CSMD3: variants seen among roughly 807,000 people sequenced by gnomAD.
The protein encoded by CSMD3 is CUB and Sushi multiple domains 3, also known as CUB and sushi domain-containing protein 3.
A neutral mutation model predicts 435.2 loss-of-function variants in CSMD3; 177 were observed. The ratio of observed to expected loss-of-function variants is 0.41; its 90% CI spans 0.36 to 0.46. The LOEUF is 0.46. Ranked by LOEUF, CSMD3 falls within the 20% of genes least tolerant of loss-of-function variation. The pLI, the probability that CSMD3 is intolerant of heterozygous loss-of-function variation, is 0.34. For synonymous variants in CSMD3, 1,656 were observed against 1,520.5 expected (o/e 1.09, Z -2.07); for missense variants, 4,265 against 4,504.6 (o/e 0.95, Z 1.52).
At chr8:112,658,827 C>A (rs146422834) in intron 17 of CSMD3, among the ~76,000 whole-genome samples, 2 of 151,946 alleles carry the variant, frequency 1.3e-5, no homozygotes, top group Non-Finnish European at 2.9e-5. Flanking sequence ...GCGTGGTTGG[C>A]GTCTGTAATC....
chr8:112,999,075 A>AT (rs1406950909), intron 6 of CSMD3, among the ~76,000 whole-genome samples: 1 of 152,024 alleles, frequency 6.6e-6, no homozygotes, highest in African/African-American at 2.4e-5. Context: ...TTGACAAAAT[A>AT]TTTGAGAATT....
intron 12 of CSMD3, among the ~76,000 whole-genome samples, chr8:112,807,080 G>A (rs1257691419): frequency 1.3e-5 from 2 of 152,148 alleles, no homozygotes; most frequent in African/African-American, 2.4e-5. Flanking sequence ...CTTATGTGCT[G>A]TGCACAGAAC....
chr8:113,072,077 G>T (rs1188945279), intron 5 of CSMD3, among the ~76,000 whole-genome samples: 1 of 151,560 alleles, frequency 6.6e-6, no homozygotes, highest in Non-Finnish European at 1.5e-5. Context: ...TTGTAAAGGA[G>T]ATTTTTAAAA....
At chr8:112,787,560 G>C (rs1047059801) in intron 13 of CSMD3, among the ~76,000 whole-genome samples, 9 of 152,108 alleles carry the variant, frequency 5.9e-5, no homozygotes, top group Non-Finnish European at 1.2e-4. Flanking sequence ...CAGATGAAGG[G>C]ATAAAAAAAC....
chr8:112,368,489 A>G (rs1828006069), intron 38 of CSMD3, among the ~76,000 whole-genome samples: 1 of 152,210 alleles, frequency 6.6e-6, no homozygotes, highest in South Asian at 2.1e-4. Context: ...AATAGTGCTT[A>G]CACCATTTTG....
Position 112,638,919 on chromosome 8 carries a change from G to A in CSMD3, c.3311-8C>T. On this transcript the variant is annotated splice_polypyrimidine_tract_variant and splice_region_variant and intron_variant, in intron 20 of 70. Coordinates refer to ENST00000297405, the MANE Select transcript of CSMD3 (RefSeq NM_198123.2). ...GGAAGTTGAACTGCACACCTATTAAGAAAAATAGAAACACTGAATTTACAG... is the reference window on the plus strand; with the variant it reads ...GGAAGTTGAACTGCACACCTATTAAAAAAAATAGAAACACTGAATTTACAG... 6.4e-7 allele frequency: 1 copy of A among 1,573,380 alleles called. No homozygotes were observed. Among genetic ancestry groups the A allele is most frequent in the Admixed American group, 1.7e-5 (1 of 59,748 alleles).
rs754201135 is a variant in CSMD3 at position 112,313,949 on chromosome 8, T to C, written c.7653A>G (p.Ala2551=). The C allele has an allele frequency of 1.2e-6, 2 of 1,612,410 alleles. No homozygotes were observed. Among genetic ancestry groups the C allele is most frequent in the Admixed American group, 3.3e-5 (2 of 59,996 alleles). ...AGCCTTTTTTGTTATTGCCATGATCTGCTGACCACTGAAGAAATACTTCAT... is the reference window on the plus strand; with the variant it reads ...AGCCTTTTTTGTTATTGCCATGATCCGCTGACCACTGAAGAAATACTTCAT... ...NGHEVFLQWS[A]DHGNNKKGFR... is the part of the protein sequence containing the mutation. The change falls in exon 49 of 71, where the codon GCA becomes GCG. Residue 2551 remains alanine (A), a synonymous_variant. Coordinates refer to ENST00000297405, the MANE Select transcript of CSMD3 (RefSeq NM_198123.2).
intron 6 of CSMD3, among the ~76,000 whole-genome samples, chr8:112,985,961 T>C (rs1173893865): frequency 6.6e-6 from 1 of 152,132 alleles, no homozygotes; most frequent in African/African-American, 2.4e-5. Context: ...GCTTGGATCA[T>C]CCAGAAACCA....
In CSMD3 at chr8:113,399,587, A is replaced by G. The variant is rs188809423; in HGVS notation, c.178+37090T>C. 8.5e-4 allele frequency among the ~76,000 whole-genome samples: 130 copies of G among 152,060 alleles called. 2 individuals carry two copies. The highest frequency in any genetic ancestry group is 5.8e-4 in the East Asian group (3 of 5,184). On this transcript the variant is annotated intron_variant, in intron 1 of 70. Transcript: ENST00000297405. ...TATGTGTCTCTACAAAAATTTTCAG[A>G]ATAGACAACATATAGAGATAAAAAA...
chr8:112,301,713 A>T (rs2130755199), intron 53 of CSMD3, 80 bp downstream of exon 53: 1 of 1,009,766 alleles, frequency 9.9e-7, no homozygotes, highest in Non-Finnish European at 1.6e-6. Context: ...TTAGTATCTC[A>T]TATTAGGGAA....
chr8:112,803,596 C>T (rs1352716823), intron 12 of CSMD3, among the ~76,000 whole-genome samples: 2 of 151,926 alleles, frequency 1.3e-5, no homozygotes, highest in African/African-American at 2.4e-5. Flanking sequence ...AGTGGTCTCA[C>T]TTGCTATTTG....
chr8:112,988,107 T>C (rs2085320589), intron 6 of CSMD3, among the ~76,000 whole-genome samples: 1 of 151,972 alleles, frequency 6.6e-6, no homozygotes, highest in South Asian at 2.1e-4. Flanking sequence ...GTTTGGACAA[T>C]GATGACTAAA....
At chr8:113,191,227 T>C (rs1214591952) in intron 3 of CSMD3, among the ~76,000 whole-genome samples, 1 of 151,822 alleles carries the variant, frequency 6.6e-6, no homozygotes, top group African/African-American at 2.4e-5. Context: ...ATAGTTTCTA[T>C]GGGTATAGAA....
At chr8:112,512,813 T>C (rs1823271212) in intron 28 of CSMD3, among the ~76,000 whole-genome samples, 1 of 152,164 alleles carries the variant, frequency 6.6e-6, no homozygotes, top group Non-Finnish European at 1.5e-5. Flanking sequence ...TTGAAAACTG[T>C]TTTTAATGTA....
intron 22 of CSMD3, among the ~76,000 whole-genome samples, chr8:112,594,928 A>C (rs900017668): frequency 3.3e-5 from 5 of 151,970 alleles, no homozygotes; most frequent in Admixed American, 6.6e-5. Flanking sequence ...AACAGAACAG[A>C]AAAACTGGAA....
At chr8:113,248,854 A>AT (rs966374433) in intron 3 of CSMD3, among the ~76,000 whole-genome samples, 10 of 151,658 alleles carry the variant, frequency 6.6e-5, no homozygotes, top group Non-Finnish European at 1.3e-4. Flanking sequence ...AAACAGCTTA[A>AT]TTTTTTTTAA....
chr8:112,900,932 G>A (rs1248351420), intron 10 of CSMD3, among the ~76,000 whole-genome samples: 1 of 151,104 alleles, frequency 6.6e-6, no homozygotes. Flanking sequence ...CATCCTAACA[G>A]GTACATTAAT....
At chr8:113,251,735 C>T (rs1482218644) in intron 3 of CSMD3, among the ~76,000 whole-genome samples, 1 of 151,982 alleles carries the variant, frequency 6.6e-6, no homozygotes, top group Non-Finnish European at 1.5e-5. Flanking sequence ...AAGTTTTTGA[C>T]CCTTGAGCCA....
intron 41 of CSMD3, 41 bp from the exon 42 acceptor site, chr8:112,341,727 A>C: frequency 8.1e-7 from 1 of 1,237,716 alleles, no homozygotes; most frequent in Non-Finnish European, 1.2e-6. Context: ...TATTTGCTTT[A>C]CCGAATTAAA....
Sources: gnomAD v4.1 joint callset for allele counts (sites outside exome capture counted in the v4.1 genomes callset) on GRCh38, gnomAD v4.1.1 for gene constraint, MANE v1.5 for transcripts, NCBI Gene and HGNC (gene_info 2026-07-23, HGNC 2026-07-21) for gene names.